Variants in CSMD1 observed in about 807,000 individuals in gnomAD.
The protein encoded by CSMD1 is CUB and Sushi multiple domains 1.
CSMD1 carries 213 observed loss-of-function variants against 417.5 expected under a neutral mutation model. The observed-to-expected ratio is 0.51, with a 90% CI of 0.46 to 0.57. The LOEUF (loss-of-function observed/expected upper bound fraction) is 0.57, where lower values mean the gene tolerates loss of function less well. Among genes scored for constraint, CSMD1 ranks in the 20% least tolerant of loss-of-function variants. CSMD1 has a pLI of 0.00. For synonymous variants in CSMD1, 2,862 were observed against 1,736.8 expected (o/e 1.65, Z -16.11); for missense variants, 6,923 against 4,529.7 (o/e 1.53, Z -15.17).
At chr8:3,593,738 T>C (rs1035637145) in intron 8 of CSMD1, among the ~76,000 whole-genome samples, 47 of 152,336 alleles carry the variant, frequency 3.1e-4, no homozygotes, top group African/African-American at 1.1e-3. Flanking sequence ...TTAATTCAAC[T>C]TCATATATCC....
At chr8:3,545,457 T>G (rs1798618032) in intron 10 of CSMD1, among the ~76,000 whole-genome samples, 1 of 152,208 alleles carries the variant, frequency 6.6e-6, no homozygotes, top group Admixed American at 6.5e-5. Flanking sequence ...AAACAGAAGG[T>G]AAATTTTCCA....
At chr8:3,336,722 C>T (rs1807286084) in intron 23 of CSMD1, among the ~76,000 whole-genome samples, 1 of 152,198 alleles carries the variant, frequency 6.6e-6, no homozygotes, top group African/African-American at 2.4e-5. Flanking sequence ...CCCTGCACAC[C>T]TAACTTCCTG....
intron 11 of CSMD1, among the ~76,000 whole-genome samples, chr8:3,492,804 C>T (rs1270933633): frequency 6.6e-6 from 1 of 152,094 alleles, no homozygotes; most frequent in Non-Finnish European, 1.5e-5. Context: ...CAGAGTTCTT[C>T]AAAGGTACAC....
chr8:4,530,204 C>T (rs568304485), intron 2 of CSMD1, among the ~76,000 whole-genome samples: 12 of 151,648 alleles, frequency 7.9e-5, no homozygotes, highest in African/African-American at 1.5e-4. Flanking sequence ...CGAGCCACCG[C>T]GCCAGGCCTG....
chr8:4,543,979 TG>T (rs1797525471), intron 2 of CSMD1, among the ~76,000 whole-genome samples: 1 of 152,174 alleles, frequency 6.6e-6, no homozygotes, highest in African/African-American at 2.4e-5. Context: ...TTAGGTTCAT[TG>T]TTTTCTATTG....
rs1178720505 is a variant in CSMD1, at chr8:3,333,956, C to A, written c.3631+9338G>T. On this transcript the variant is annotated intron_variant, in intron 23 of 69. Transcript: ENST00000635120. The stretch of plus-strand genomic sequence containing the variant: ...GTAGAAAATGTGCATTTGAGGACTG[C>A]CCCTCAGCTTGTATAGGATTTCCAA... 3.3e-5 allele frequency among the ~76,000 whole-genome samples: 5 copies of A among 152,200 alleles called. No homozygotes were observed. The East Asian group carries it at 9.7e-4, about 29-fold the overall frequency.
intron 62 of CSMD1, 44 bp from the exon 63 acceptor site, chr8:2,957,851 T>C (rs1361658801): frequency 3.7e-6 from 5 of 1,342,190 alleles, no homozygotes; most frequent in Admixed American, 2.0e-5. Context: ...CAAGGGAATA[T>C]ACGAAGTGTC....
intron 2 of CSMD1, among the ~76,000 whole-genome samples, chr8:4,498,187 A>C (rs1802070988): frequency 6.6e-6 from 1 of 152,112 alleles, no homozygotes; most frequent in East Asian, 1.9e-4. Context: ...GTTAATGCTA[A>C]CCCAATGCTT....
At chr8:4,298,696 AC>A (rs1442762865) in intron 3 of CSMD1, among the ~76,000 whole-genome samples, 1 of 152,118 alleles carries the variant, frequency 6.6e-6, no homozygotes, top group Admixed American at 6.5e-5. Flanking sequence ...TCTTCAGGCT[AC>A]TCTGATACTA....
intron 5 of CSMD1, among the ~76,000 whole-genome samples, chr8:3,810,646 T>A (rs1335855402): frequency 6.6e-6 from 1 of 152,220 alleles, no homozygotes; most frequent in Non-Finnish European, 1.5e-5. Context: ...GTCTTTAGTT[T>A]ATAAAACTTT....
At chr8:3,894,790 G>A (rs779097936) in intron 5 of CSMD1, among the ~76,000 whole-genome samples, 62 of 152,174 alleles carry the variant, frequency 4.1e-4, no homozygotes, top group Non-Finnish European at 8.7e-4. Context: ...GCATAGGGCT[G>A]TTAAATATTT....
intron 7 of CSMD1, among the ~76,000 whole-genome samples, chr8:3,641,966 G>A (rs779499114): frequency 4.4e-4 from 67 of 152,076 alleles, no homozygotes; most frequent in Non-Finnish European, 8.2e-4. Context: ...ACACAGATGG[G>A]GAGAGAGCAG....
chr8:3,578,030 C>A (rs951544438), intron 9 of CSMD1, among the ~76,000 whole-genome samples: 3 of 152,102 alleles, frequency 2.0e-5, no homozygotes, highest in African/African-American at 7.2e-5. Context: ...CTGCAGCTCA[C>A]CTTATTACCT....
intron 53 of CSMD1, among the ~76,000 whole-genome samples, chr8:2,998,857 C>G (rs1055117676): frequency 1.3e-5 from 2 of 152,194 alleles, no homozygotes; most frequent in Non-Finnish European, 2.9e-5. Flanking sequence ...TTTTCTTCCT[C>G]ATTTATCTTG....
intron 3 of CSMD1, among the ~76,000 whole-genome samples, chr8:4,244,847 T>A (rs1046384996): frequency 1.3e-5 from 2 of 152,206 alleles, no homozygotes; most frequent in African/African-American, 2.4e-5. Flanking sequence ...CCTTCTGGTG[T>A]CATTGTAACA....
At chr8:4,170,849 T>C (rs867534381) in intron 3 of CSMD1, among the ~76,000 whole-genome samples, 18 of 151,828 alleles carry the variant, frequency 1.2e-4, no homozygotes, top group Middle Eastern at 3.2e-3. Context: ...TAAGCATGAA[T>C]TCCTGTAACA....
chr8:3,002,211 C>T (rs1187962591), intron 52 of CSMD1, among the ~76,000 whole-genome samples: 27 of 152,166 alleles, frequency 1.8e-4, no homozygotes, highest in Admixed American at 1.7e-3. Context: ...TGAATGTTCT[C>T]CATATTGTGA....
intron 5 of CSMD1, among the ~76,000 whole-genome samples, chr8:3,807,222 A>G (rs1210254076): frequency 6.6e-6 from 1 of 152,188 alleles, no homozygotes; most frequent in Non-Finnish European, 1.5e-5. Context: ...GGACATTGAT[A>G]AACCTATATT....
At chr8:4,438,619 T>A (rs1286731388) in intron 2 of CSMD1, among the ~76,000 whole-genome samples, 1 of 152,150 alleles carries the variant, frequency 6.6e-6, no homozygotes, top group Non-Finnish European at 1.5e-5. Flanking sequence ...TCCTATTATT[T>A]TATACCTACA....
Sources: gnomAD v4.1 joint callset for allele counts (sites outside exome capture counted in the v4.1 genomes callset) on GRCh38, gnomAD v4.1.1 for gene constraint, MANE v1.5 for transcripts, NCBI Gene and HGNC (gene_info 2026-07-23, HGNC 2026-07-21) for gene names.